Variants in GFRA1 observed in about 807,000 individuals in gnomAD.
The protein encoded by GFRA1 is GDNF family receptor alpha 1.
In GFRA1, 16 loss-of-function variants were observed where a neutral mutation model predicts 51.6. The observed-to-expected ratio is 0.31, with a 90% confidence interval of 0.21 to 0.47. The LOEUF (loss-of-function observed/expected upper bound fraction) is 0.47. Among genes scored for constraint, GFRA1 ranks in the 20% least tolerant of loss-of-function variants. The pLI is 1.00. For missense variants in GFRA1, 530 were observed against 594.3 expected (o/e 0.89, Z 1.13); for synonymous variants, 270 against 241.3 (o/e 1.12, Z -1.10).
At chr10:116,065,684 G>A in intron 9 of GFRA1, 58 bp from the exon 10 acceptor site, 2 of 1,354,342 alleles carry the variant, frequency 1.5e-6, no homozygotes, top group Non-Finnish European at 2.1e-6. Flanking sequence ...AATTACTGAT[G>A]ATCCATCAGT....
In GFRA1 at chr10:116,196,847, A is replaced by ATT. The variant is rs770988253; in HGVS notation, c.433+14782_433+14783dup. ...AATACTTATAAATATATATATATAT[A>ATT]TTTTTTTTCCCTCCCACAGTTCTGG... On this transcript the variant is annotated intron_variant, in intron 5 of 10. Coordinates refer to ENST00000355422, the MANE Select transcript of GFRA1 (RefSeq NM_005264.8). Among the ~76,000 whole-genome samples the ATT allele has an allele frequency of 6.2e-3, 583 of 93,486 alleles. 4 individuals are homozygous for ATT. The highest frequency in any genetic ancestry group is 0.018 in the African/African-American group (498 of 27,084). The allele number at this position is 93,486 out of a possible 152,430, so 61.3% of individuals were successfully genotyped here.
chr10:116,186,907 A>C (rs946036550), intron 5 of GFRA1, among the ~76,000 whole-genome samples: 1 of 152,016 alleles, frequency 6.6e-6, no homozygotes, highest in Admixed American at 6.5e-5. Flanking sequence ...CCTCAGCTCA[A>C]GCTAGTGCCC....
chr10:116,061,985 C>T lies in GFRA1; in HGVS notation c.*2413G>A. 2 of 398,594 alleles carry T rather than the reference C, an allele frequency of 5.0e-6. No homozygotes were observed. Among genetic ancestry groups the T allele is most frequent in the Non-Finnish European group, 8.8e-6 (2 of 226,038 alleles). The allele number at this position is 398,594 out of a possible 1,614,324, so 24.7% of individuals were successfully genotyped here. A position where few individuals can be genotyped will look rare whatever the true frequency, so the allele number is the denominator to read the frequency against. On this transcript the variant is annotated 3_prime_UTR_variant, in exon 11 of 11. Transcript: ENST00000355422. ...AGCAACTGATTTTCAAATTGAGGAG[C>T]TGGTAACTTGAATATGCTTTTATCA... is the stretch of plus-strand genomic sequence containing the variant.
Position 116,064,377 on chromosome 10 carries a change from T to C in GFRA1, c.*21A>G, listed in dbSNP as rs1158379104. ...TGGTTTTTGTCTTTTTACATGTCCA[T>C]ATTGTATTTTTTTAATGCAGCTATG... On this transcript the variant is annotated 3_prime_UTR_variant, in exon 11 of 11. Coordinates refer to ENST00000355422, the MANE Select transcript of GFRA1 (RefSeq NM_005264.8). The C allele has an allele frequency of 1.9e-6, 3 of 1,605,482 alleles. No homozygotes were observed. Among genetic ancestry groups the C allele is most frequent in the African/African-American group, 1.3e-5 (1 of 74,632 alleles).
At chr10:116,233,544 T>C (rs1466705696) in intron 4 of GFRA1, among the ~76,000 whole-genome samples, 1 of 152,054 alleles carries the variant, frequency 6.6e-6, no homozygotes, top group Non-Finnish European at 1.5e-5. Flanking sequence ...AGGCCCCTTG[T>C]TTTGAGCACC....
Position 116,117,895 on chromosome 10 carries a change from G to A in GFRA1, c.770+7326C>T, listed in dbSNP as rs557624094. Among the ~76,000 whole-genome samples, 6 of 152,120 alleles carry A rather than the reference G, an allele frequency of 3.9e-5. No homozygotes were observed. In the South Asian group the frequency reaches 1.2e-3, roughly 32 times the overall value. ...ATGACCATCTCCCTTTTCTTCCTAAGACTCTGTTCCCCTTTGGCTTTTCAA... is the reference window on the plus strand; with the variant it reads ...ATGACCATCTCCCTTTTCTTCCTAAAACTCTGTTCCCCTTTGGCTTTTCAA... On this transcript the variant is annotated intron_variant, in intron 6 of 10. Coordinates refer to ENST00000355422, the MANE Select transcript of GFRA1 (RefSeq NM_005264.8).
intron 5 of GFRA1, among the ~76,000 whole-genome samples, chr10:116,187,105 G>A (rs1356556047): frequency 1.3e-5 from 2 of 152,146 alleles, no homozygotes; most frequent in Non-Finnish European, 2.9e-5. Flanking sequence ...CATTACATTT[G>A]AATGGAAGAC....
intron 9 of GFRA1, among the ~76,000 whole-genome samples, chr10:116,070,227 CAG>C (rs1379795647): frequency 2.6e-5 from 4 of 152,170 alleles, no homozygotes; most frequent in African/African-American, 9.7e-5. Flanking sequence ...TGCTTAATGA[CAG>C]AATACAAGCA....
At chr10:116,088,430 A>AAAAT (rs775849337) in intron 9 of GFRA1, among the ~76,000 whole-genome samples, 5 of 152,112 alleles carry the variant, frequency 3.3e-5, no homozygotes, top group Non-Finnish European at 5.9e-5. Context: ...CATTTCCCTC[A>AAAAT]AAATACAGGA....
In GFRA1 at chr10:116,202,555, T is replaced by C. The variant is rs1246408308; in HGVS notation, c.433+9076A>G. ...TGGGTAATTCATAAAGAAAAGACTT[T>C]CACTGACCCACAGGCTTAACAGGAA... On this transcript the variant is annotated intron_variant, in intron 5 of 10. Coordinates refer to ENST00000355422, the MANE Select transcript of GFRA1 (RefSeq NM_005264.8). Among the ~76,000 whole-genome samples the C allele has an allele frequency of 2.0e-5, 3 of 152,058 alleles. No homozygotes were observed. The East Asian group carries it at 5.8e-4, about 29-fold the overall frequency.
chr10:116,145,993 C>T (rs1357787571), intron 5 of GFRA1, among the ~76,000 whole-genome samples: 1 of 151,828 alleles, frequency 6.6e-6, no homozygotes, highest in African/African-American at 2.4e-5. Context: ...AGAATAAAAA[C>T]CTAGAAACAA....
At chr10:116,236,090 C>T (rs900217196) in intron 4 of GFRA1, among the ~76,000 whole-genome samples, 2 of 152,146 alleles carry the variant, frequency 1.3e-5, no homozygotes, top group Non-Finnish European at 2.9e-5. Context: ...AAAGGTGCCA[C>T]CTCTGTTCTG....
upstream of GFRA1, among the ~76,000 whole-genome samples, chr10:116,273,650 T>A (rs1195265659): frequency 1.8e-4 from 1 of 5,592 alleles, no homozygotes; most frequent in Non-Finnish European, 7.7e-4. Flanking sequence ...ACACACACTC[T>A]CTCTCTCTCT....
intron 5 of GFRA1, among the ~76,000 whole-genome samples, chr10:116,151,613 A>C (rs1444550790): frequency 2.0e-5 from 3 of 152,070 alleles, no homozygotes. Context: ...AAATAGAGGG[A>C]AGAGGGAGAG....
intron 4 of GFRA1, among the ~76,000 whole-genome samples, chr10:116,268,270 C>T (rs966454502): frequency 1.3e-5 from 2 of 152,294 alleles, no homozygotes; most frequent in South Asian, 4.1e-4. Context: ...TCCCTAACTT[C>T]ACTATGCCTC....
chr10:116,212,019 C>T (rs1007862755), intron 4 of GFRA1, among the ~76,000 whole-genome samples: 1 of 152,156 alleles, frequency 6.6e-6, no homozygotes, highest in African/African-American at 2.4e-5. Flanking sequence ...ACTTTCACAA[C>T]AATCTTATAA....
chr10:116,119,480 T>C (rs1339398262), intron 6 of GFRA1, among the ~76,000 whole-genome samples: 2 of 152,228 alleles, frequency 1.3e-5, no homozygotes, highest in African/African-American at 2.4e-5. Flanking sequence ...TTTCTTTCCA[T>C]GGTTCAAAAG....
chr10:116,195,122 C>T (rs1963621238), intron 5 of GFRA1, among the ~76,000 whole-genome samples: 1 of 152,126 alleles, frequency 6.6e-6, no homozygotes, highest in South Asian at 2.1e-4. Context: ...TTTGCCAACC[C>T]CTGTGCTAAA....
At chr10:116,192,987 T>G (rs901426027) in intron 5 of GFRA1, among the ~76,000 whole-genome samples, 3 of 152,020 alleles carry the variant, frequency 2.0e-5, no homozygotes, top group Non-Finnish European at 4.4e-5. Context: ...GTACAACTCC[T>G]ACCCCCTCCA....
Sources: gnomAD v4.1 joint callset for allele counts (sites outside exome capture counted in the v4.1 genomes callset) on GRCh38, gnomAD v4.1.1 for gene constraint, MANE v1.5 for transcripts, NCBI Gene and HGNC (gene_info 2026-07-23, HGNC 2026-07-21) for gene names.